LRRC4C: variants seen among roughly 807,000 people sequenced by gnomAD.
LRRC4C encodes leucine-rich repeat-containing protein 4C.
Under a neutral mutation model 33.6 loss-of-function variants are expected in LRRC4C, and 5 were observed. The ratio of observed to expected loss-of-function variants is 0.15; its 90% confidence interval spans 0.08 to 0.31. The LOEUF (loss-of-function observed/expected upper bound fraction) is 0.31, where lower values mean the gene tolerates loss of function less well. LRRC4C is among the 10% of genes least tolerant of loss of function. The pLI, the probability that LRRC4C is intolerant of heterozygous loss-of-function variation, is 1.00. For missense variants in LRRC4C, 560 were observed against 796.7 expected, an observed-to-expected ratio of 0.70 and a Z score of 3.58; for synonymous variants, 329 against 302.0, an observed-to-expected ratio of 1.09 and a Z score of -0.93.
chr11:40,209,672 A>G (rs887670877), intron 5 of LRRC4C, among the ~76,000 whole-genome samples: 1 of 152,100 alleles, frequency 6.6e-6, no homozygotes, highest in Non-Finnish European at 1.5e-5. Flanking sequence ...CCTCCCAAGT[A>G]GCTGGGACTA....
chr11:40,353,831 T>A (rs1326282493), intron 3 of LRRC4C, among the ~76,000 whole-genome samples: 3 of 152,204 alleles, frequency 2.0e-5, no homozygotes, highest in African/African-American at 7.2e-5. Context: ...TTCTCTGTCA[T>A]ACCAGGTTAG....
chr11:40,693,218 T>TA (rs1199867785), intron 2 of LRRC4C, among the ~76,000 whole-genome samples: 4 of 152,118 alleles, frequency 2.6e-5, no homozygotes, highest in Non-Finnish European at 5.9e-5. Context: ...ATAGCATTCA[T>TA]AAAGAAGTGA....
chr11:41,383,498 T>A (rs1215453798), intron 1 of LRRC4C, among the ~76,000 whole-genome samples: 1 of 152,070 alleles, frequency 6.6e-6, no homozygotes, highest in African/African-American at 2.4e-5. Context: ...TGTATAAGAA[T>A]ATGACTTTCT....
intron 1 of LRRC4C, among the ~76,000 whole-genome samples, chr11:41,078,151 C>G (rs2135465586): frequency 6.6e-6 from 1 of 152,328 alleles, no homozygotes; most frequent in Non-Finnish European, 1.5e-5. Context: ...TTGGTGAAAG[C>G]CATTCAACAA....
At chr11:40,951,453 G>A (rs1006291013) in intron 1 of LRRC4C, among the ~76,000 whole-genome samples, 1 of 151,912 alleles carries the variant, frequency 6.6e-6, no homozygotes, top group African/African-American at 2.4e-5. Flanking sequence ...CAAAAAGATA[G>A]TGAGGACTTA....
At chr11:41,205,392 C>T (rs577052614) in intron 1 of LRRC4C, among the ~76,000 whole-genome samples, 2 of 152,184 alleles carry the variant, frequency 1.3e-5, no homozygotes, top group Non-Finnish European at 2.9e-5. Flanking sequence ...CTTGGGGGCT[C>T]CTGAAATCTT....
chr11:40,606,162 C>T (rs528819509), intron 3 of LRRC4C, among the ~76,000 whole-genome samples: 1 of 152,110 alleles, frequency 6.6e-6, no homozygotes, highest in Admixed American at 6.5e-5. Flanking sequence ...TTCTAACAGG[C>T]CTTGAAGCAC....
chr11:40,827,900 CA>C (rs1266562789), intron 2 of LRRC4C, among the ~76,000 whole-genome samples: 1 of 151,658 alleles, frequency 6.6e-6, no homozygotes, highest in Non-Finnish European at 1.5e-5. Context: ...GAGAAAGAGG[CA>C]TGATCTTTTC....
chr11:40,442,561 C>G (rs1951445408), intron 3 of LRRC4C, among the ~76,000 whole-genome samples: 1 of 152,172 alleles, frequency 6.6e-6, no homozygotes, highest in Admixed American at 6.5e-5. Flanking sequence ...ATCAATGCTT[C>G]AATGTGCTGG....
Position 41,257,555 on chromosome 11 carries a change from A to C in LRRC4C, c.-496+201876T>G, listed in dbSNP as rs1175274552. ...AGAGATTTGCAGAACATAAAGATAG[A>C]GAATTCTGATATTTAGTGAACACTG... is the stretch of plus-strand genomic sequence containing the variant. On this transcript the variant is annotated intron_variant, in intron 1 of 6. Coordinates refer to ENST00000528697, the MANE Select transcript of LRRC4C (RefSeq NM_001258419.2). 3.3e-5 allele frequency among the ~76,000 whole-genome samples: 5 copies of C among 152,050 alleles called. No homozygotes were observed. The East Asian group carries it at 9.7e-4, about 29-fold the overall frequency.
intron 4 of LRRC4C, among the ~76,000 whole-genome samples, chr11:40,258,319 C>T (rs1351451617): frequency 6.6e-6 from 1 of 152,190 alleles, no homozygotes; most frequent in Non-Finnish European, 1.5e-5. Flanking sequence ...AAAACAATTT[C>T]AGCCTAGATT....
At chr11:40,524,292 T>G (rs1018908262) in intron 3 of LRRC4C, among the ~76,000 whole-genome samples, 1 of 152,152 alleles carries the variant, frequency 6.6e-6, no homozygotes, top group South Asian at 2.1e-4. Flanking sequence ...ATGATTTTAT[T>G]TCATGTCCTC....
At chr11:40,962,831 T>A (rs1053334809) in intron 1 of LRRC4C, among the ~76,000 whole-genome samples, 5 of 151,692 alleles carry the variant, frequency 3.3e-5, no homozygotes, top group Non-Finnish European at 7.4e-5. Context: ...AATTAAATTA[T>A]CTTTTGTAAG....
At chr11:40,984,627 T>C (rs911427245) in intron 1 of LRRC4C, among the ~76,000 whole-genome samples, 3 of 152,096 alleles carry the variant, frequency 2.0e-5, no homozygotes, top group Admixed American at 6.6e-5. Context: ...CTCTCCAATA[T>C]AGCAAAGAAT....
intron 1 of LRRC4C, among the ~76,000 whole-genome samples, chr11:41,024,818 C>A (rs956409112): frequency 2.6e-5 from 4 of 151,634 alleles, no homozygotes; most frequent in African/African-American, 9.7e-5. Context: ...TCTATGGCAA[C>A]CCTGTGTTGG....
intron 1 of LRRC4C, among the ~76,000 whole-genome samples, chr11:41,442,620 T>C (rs372796235): frequency 3.3e-5 from 5 of 151,566 alleles, no homozygotes; most frequent in African/African-American, 7.2e-5. Context: ...CAGGCGCCCA[T>C]CACCACGCCC....
chr11:40,789,127 A>G (rs1301245783), intron 2 of LRRC4C, among the ~76,000 whole-genome samples: 1 of 150,836 alleles, frequency 6.6e-6, no homozygotes, highest in Non-Finnish European at 1.5e-5. Flanking sequence ...AGCATATTAT[A>G]AACTTATGTG....
intron 3 of LRRC4C, among the ~76,000 whole-genome samples, chr11:40,461,680 ATT>A (rs1358330999): frequency 6.7e-6 from 1 of 148,668 alleles, no homozygotes; most frequent in Non-Finnish European, 1.5e-5. Flanking sequence ...TTATATATAT[ATT>A]ATATAATAAT....
intron 1 of LRRC4C, among the ~76,000 whole-genome samples, chr11:41,085,520 A>G (rs1388927561): frequency 6.6e-6 from 1 of 152,144 alleles, no homozygotes; most frequent in Non-Finnish European, 1.5e-5. Context: ...TAATAATAAT[A>G]TAACTATCAC....
Sources: gnomAD v4.1 joint callset for allele counts (sites outside exome capture counted in the v4.1 genomes callset) on GRCh38, gnomAD v4.1.1 for gene constraint, MANE v1.5 for transcripts, NCBI Gene and HGNC (gene_info 2026-07-23, HGNC 2026-07-21) for gene names.